Variants in NAPB observed in about 807,000 individuals in gnomAD.
NAPB encodes the protein NSF attachment protein beta, also known as beta-soluble NSF attachment protein.
Under a neutral mutation model 44.7 loss-of-function variants are expected in NAPB, and 26 were observed. The ratio of observed to expected loss-of-function variants is 0.58; its 90% CI spans 0.43 to 0.81. The LOEUF (loss-of-function observed/expected upper bound fraction) is 0.81. Among genes scored for constraint, NAPB ranks in the 30% least tolerant of loss-of-function variants. The pLI, the probability that NAPB is intolerant of heterozygous loss-of-function variation, is 0.00. For synonymous variants in NAPB, 120 were observed against 116.8 expected (o/e 1.03, Z -0.18); for missense variants, 315 against 356.4 (o/e 0.88, Z 0.94).
intron 1 of NAPB, among the ~76,000 whole-genome samples, chr20:23,416,144 T>C (rs945443018): frequency 1.3e-5 from 2 of 152,186 alleles, no homozygotes; most frequent in Admixed American, 1.3e-4. Flanking sequence ...TGCCTCAGGC[T>C]GGGTGAGGTG....
At chr20:23,419,155 T>G (rs573650033) in intron 1 of NAPB, among the ~76,000 whole-genome samples, 1 of 152,298 alleles carries the variant, frequency 6.6e-6, no homozygotes, top group South Asian at 2.1e-4. Context: ...TGAGATATAC[T>G]ATTATTGTCT....
At chr20:23,415,267 TA>T (rs1215993126) in intron 1 of NAPB, among the ~76,000 whole-genome samples, 2 of 152,122 alleles carry the variant, frequency 1.3e-5, no homozygotes, top group East Asian at 3.9e-4. Flanking sequence ...TGAGATTACG[TA>T]AAAAGAAGAC....
chr20:23,391,257 G>A (rs960086464), intron 5 of NAPB, among the ~76,000 whole-genome samples: 6 of 152,182 alleles, frequency 3.9e-5, no homozygotes, highest in Non-Finnish European at 8.8e-5. Context: ...GTTGCAGTGA[G>A]CTGAGATCGC....
intron 7 of NAPB, among the ~76,000 whole-genome samples, chr20:23,387,304 C>A (rs531251143): frequency 1.3e-5 from 2 of 152,018 alleles, no homozygotes; most frequent in African/African-American, 4.8e-5. Context: ...TATGAAAGAC[C>A]GAAAGTTTTC....
At chr20:23,379,570 A>ATATTT in intron 9 of NAPB, 75 bp from the exon 10 acceptor site, 2 of 1,166,232 alleles carry the variant, frequency 1.7e-6, no homozygotes, top group Non-Finnish European at 2.5e-6. Context: ...CTTTAAGTAT[A>ATATTT]ATACCAATGT....
intron 1 of NAPB, among the ~76,000 whole-genome samples, chr20:23,410,661 A>G (rs1985588342): frequency 6.6e-6 from 1 of 152,034 alleles, no homozygotes; most frequent in Non-Finnish European, 1.5e-5. Context: ...ACAAACCTGC[A>G]TATGTACCCC....
At chr20:23,415,843 G>A (rs138193526) in intron 1 of NAPB, among the ~76,000 whole-genome samples, 1,993 of 152,158 alleles carry the variant, frequency 0.013, 45 homozygotes, top group East Asian at 0.093. Context: ...GTGCATGCCT[G>A]TAGTCCTAGC....
At chr20:23,391,649 TAGCATAAA>T (rs1983965935) in intron 5 of NAPB, among the ~76,000 whole-genome samples, 1 of 152,242 alleles carries the variant, frequency 6.6e-6, no homozygotes, top group African/African-American at 2.4e-5. Flanking sequence ...TCTCTTGTGG[TAGCATAAA>T]AGCAGCCATA....
At chr20:23,402,317 T>C (rs1451534191) in intron 2 of NAPB, among the ~76,000 whole-genome samples, 1 of 152,186 alleles carries the variant, frequency 6.6e-6, no homozygotes, top group African/African-American at 2.4e-5. Context: ...ATCCCATCAC[T>C]AAGGCATGAA....
chr20:23,410,723 G>A (rs1236643576), intron 1 of NAPB, among the ~76,000 whole-genome samples: 1 of 151,882 alleles, frequency 6.6e-6, no homozygotes, highest in Non-Finnish European at 1.5e-5. Context: ...AAATAAAAAT[G>A]AGCCATACCA....
chr20:23,418,908 C>A (rs1022524743), intron 1 of NAPB, among the ~76,000 whole-genome samples: 1 of 151,986 alleles, frequency 6.6e-6, no homozygotes, highest in African/African-American at 2.4e-5. Context: ...CATCCCGCCA[C>A]TGCAATCCAG....
chr20:23,396,823 G>A (rs1984402684), intron 3 of NAPB: 1 of 256,474 alleles, frequency 3.9e-6, no homozygotes, highest in Middle Eastern at 1.2e-3. Context: ...ATATAAATAA[G>A]AGTTTAATTA....
At chr20:23,401,416 G>A (rs79016834) in intron 2 of NAPB, among the ~76,000 whole-genome samples, 1,624 of 152,244 alleles carry the variant, frequency 0.011, 10 homozygotes, top group Non-Finnish European at 0.014. Context: ...AATGGAAACA[G>A]ACTGGAAAAG....
intron 2 of NAPB, 97 bp downstream of exon 2, chr20:23,402,896 C>A: frequency 1.1e-6 from 1 of 883,992 alleles, no homozygotes; most frequent in Non-Finnish European, 1.8e-6. Flanking sequence ...GTCTCTGGGG[C>A]CAATAGTCTT....
At chr20:23,388,040 T>C (rs1983658801) in intron 7 of NAPB, among the ~76,000 whole-genome samples, 1 of 152,218 alleles carries the variant, frequency 6.6e-6, no homozygotes, top group South Asian at 2.1e-4. Flanking sequence ...ATGCCTGTCT[T>C]AGAGCCAGGA....
chr20:23,421,320 AGG>A lies in NAPB; in HGVS notation c.81_82del (p.Leu28ProfsTer15). On this transcript the variant is annotated frameshift_variant, in exon 1 of 11. Coordinates refer to ENST00000377026, the MANE Select transcript of NAPB (RefSeq NM_022080.3). LOFTEE classifies it high-confidence loss of function. ...TGGCGCTCACCCAAACAGCCCTCGG[AGG>A]AAGGAGTGGGAGGCCTTGACTCGCT... 6.4e-7 allele frequency: 1 copy of A among 1,561,956 alleles called. No individual in the cohort carries two copies. Among genetic ancestry groups the A allele is most frequent in the Non-Finnish European group, 8.7e-7 (1 of 1,152,732 alleles).
chr20:23,379,515 T>C lies in NAPB; in HGVS notation c.736-20A>G. The stretch of plus-strand genomic sequence containing the variant: ...GAGTTTCTGGTAGCATAAAAATATT[T>C]TAAAAAACAGTTCTGTAAGATGAAG... On this transcript the variant is annotated intron_variant, in intron 9 of 10. Transcript: ENST00000377026. 1 of 1,589,022 alleles carries C rather than the reference T, an allele frequency of 6.3e-7. No individual in the cohort carries two copies. Among genetic ancestry groups the C allele is most frequent in the Non-Finnish European group, 8.6e-7 (1 of 1,164,990 alleles).
At chr20:23,381,098 T>C in intron 8 of NAPB, 115 bp downstream of exon 8, 4 of 727,622 alleles carry the variant, frequency 5.5e-6, no homozygotes, top group South Asian at 3.1e-5. Flanking sequence ...TTATTTTTAA[T>C]GTACCCGTTT....
intron 5 of NAPB, 83 bp downstream of exon 5, chr20:23,394,839 C>G: frequency 7.3e-7 from 1 of 1,370,894 alleles, no homozygotes; most frequent in South Asian, 1.2e-5. Context: ...CACCTACGAT[C>G]ACTCTCAGAC....
Sources: allele counts gnomAD v4.1 joint callset (sites outside exome capture counted in the v4.1 genomes callset), GRCh38; gene constraint gnomAD v4.1.1; transcripts MANE v1.5; gene names NCBI Gene and HGNC (gene_info 2026-07-23, HGNC 2026-07-21).